OTOP3: variants seen among roughly 807,000 people sequenced by gnomAD.
OTOP3 encodes otopetrin 3.
OTOP3 carries 41 observed loss-of-function variants against 50.8 expected under a neutral mutation model. That is an observed-to-expected ratio of 0.81 (90% confidence interval 0.63 to 1.05). OTOP3 has a LOEUF of 1.05. Ranked by LOEUF, OTOP3 falls within the 50% of genes least tolerant of loss-of-function variation. OTOP3 has a pLI of 0.00. For missense variants in OTOP3, 788 were observed against 760.8 expected (o/e 1.04, Z -0.42); for synonymous variants, 320 against 324.4 (o/e 0.99, Z 0.14).
rs556395768 is a variant in OTOP3, at chr17:74,945,200, C to T, written c.752-1461C>T. Among the ~76,000 whole-genome samples the T allele has an allele frequency of 1.9e-4, 29 of 152,336 alleles. No homozygotes were observed. In the South Asian group the frequency reaches 6.0e-3, roughly 32 times the overall value. ...CAAACTACTGGGTTCAAGTGATCCTCCCTCCTCAGCTTCCCAAAGTGCTGG... is the reference window on the plus strand; with the variant it reads ...CAAACTACTGGGTTCAAGTGATCCTTCCTCCTCAGCTTCCCAAAGTGCTGG... On this transcript the variant is annotated intron_variant, in intron 5 of 6. Transcript: ENST00000328801.
intron 1 of OTOP3, among the ~76,000 whole-genome samples, chr17:74,938,676 T>A (rs72631373): frequency 0.14 from 21,824 of 152,100 alleles, 2,334 homozygotes; most frequent in East Asian, 0.37. Flanking sequence ...GCAGAGAACC[T>A]GGAACCTTGT....
At position 74,941,826 on chromosome 17, in the gene OTOP3, T is replaced by C. The variant is rs1454508186; in HGVS notation, c.436+17T>C. On this transcript the variant is annotated intron_variant, in intron 2 of 6. Coordinates refer to ENST00000328801, the MANE Select transcript of OTOP3 (RefSeq NM_001272005.2). ...GGGTGCGGGGTGAGTGTCAGGTTGCTGGGGGGCTGGGCAGGGGTGGGGAGG... is the reference window on the plus strand; with the variant it reads ...GGGTGCGGGGTGAGTGTCAGGTTGCCGGGGGGCTGGGCAGGGGTGGGGAGG... 1 of 1,212,582 alleles carries C rather than the reference T, an allele frequency of 8.2e-7. No homozygotes were observed. The highest frequency in any genetic ancestry group is 1.2e-6 in the Non-Finnish European group (1 of 860,414). The allele number at this position is 1,212,582 out of a possible 1,614,324, so 75.1% of individuals were successfully genotyped here.
chr17:74,944,577 C>T (rs545436688), intron 5 of OTOP3, among the ~76,000 whole-genome samples: 8 of 152,218 alleles, frequency 5.3e-5, no homozygotes, highest in Admixed American at 1.3e-4. Context: ...GCGAACATGG[C>T]GAAACCCCGT....
Position 74,949,549 on chromosome 17 carries a change from C to A in OTOP3, c.*133C>A. The A allele has an allele frequency of 9.5e-7, 1 of 1,057,152 alleles. No individual in the cohort carries two copies. Among genetic ancestry groups the A allele is most frequent in the Non-Finnish European group, 1.3e-6 (1 of 749,134 alleles). The allele number at this position is 1,057,152 out of a possible 1,614,324, so 65.5% of individuals were successfully genotyped here. On this transcript the variant is annotated 3_prime_UTR_variant, in exon 7 of 7. Coordinates refer to ENST00000328801, the MANE Select transcript of OTOP3 (RefSeq NM_001272005.2). ...CTCAAGGCCTCCTGCTCCCCAGAGC[C>A]TCACTGAAGGGGAGGGCACTGCCTA...
chr17:74,937,600 G>A (rs938963087), intron 1 of OTOP3, among the ~76,000 whole-genome samples: 2 of 152,100 alleles, frequency 1.3e-5, no homozygotes, highest in South Asian at 4.1e-4. Context: ...AAAGATCATC[G>A]GGAGTCTCCT....
chr17:74,937,761 C>CCGGT (rs1395655292), intron 1 of OTOP3, among the ~76,000 whole-genome samples: 1 of 152,108 alleles, frequency 6.6e-6, no homozygotes, highest in Non-Finnish European at 1.5e-5. Flanking sequence ...TAAGCAGGAC[C>CCGGT]CGGTCTCTGT....
intron 4 of OTOP3, 116 bp from the exon 5 acceptor site, chr17:74,943,490 A>G (rs2039196709): frequency 2.3e-6 from 3 of 1,313,642 alleles, no homozygotes; most frequent in Non-Finnish European, 3.3e-6. Flanking sequence ...TGCCAGTGTG[A>G]CACTAGGGAG....
chr17:74,941,294 C>A, intron 1 of OTOP3, 99 bp from the exon 2 acceptor site: 1 of 1,300,546 alleles, frequency 7.7e-7, no homozygotes, highest in Non-Finnish European at 1.0e-6. Context: ...ACCAGAGAGG[C>A]CGCATAGCTG....
At position 74,946,936 on chromosome 17, in the gene OTOP3, G is replaced by C; in HGVS notation, c.1027G>C (p.Glu343Gln). 1.2e-6 allele frequency: 2 copies of C among 1,612,832 alleles called. No homozygotes were observed. The highest frequency in any genetic ancestry group is 1.7e-6 in the Non-Finnish European group (2 of 1,179,940). Residue 343 changes from glutamate (E) to glutamine (Q), a missense_variant, in exon 6 of 7, where the codon GAG (glutamate) becomes CAG (glutamine). Physicochemically the swap from Glu to Gln is conservative, Grantham distance 29. Coordinates refer to ENST00000328801, the MANE Select transcript of OTOP3 (RefSeq NM_001272005.2). ...GVCVFVLFQI[E>Q]ASGPAIACQY... is the part of the protein sequence containing the mutation. ...GTGCGTCTTTGTGCTCTTCCAAATC[G>C]AGGCCAGTGGCCCTGCCATTGCTTG... is the stretch of plus-strand genomic sequence containing the variant.
intron 1 of OTOP3, among the ~76,000 whole-genome samples, chr17:74,940,630 C>T (rs775160719): frequency 6.6e-6 from 1 of 152,126 alleles, no homozygotes; most frequent in Non-Finnish European, 1.5e-5. Flanking sequence ...GTGAACTGCA[C>T]ATGTGAGGGA....
At chr17:74,940,363 C>T (rs552341275) in intron 1 of OTOP3, among the ~76,000 whole-genome samples, 100 of 151,966 alleles carry the variant, frequency 6.6e-4, no homozygotes, top group African/African-American at 2.0e-3. Flanking sequence ...AAAACTAGAA[C>T]AGTAAAGCTA....
At position 74,941,376 on chromosome 17, in the gene OTOP3, C is replaced by T. The variant is rs1412408548; in HGVS notation, c.20-17C>T. 1 of 1,470,088 alleles carries T rather than the reference C, an allele frequency of 6.8e-7. No individual in the cohort carries two copies. The highest frequency in any genetic ancestry group is 1.4e-5 in the South Asian group (1 of 69,892). The allele number at this position is 1,470,088 out of a possible 1,614,324, so 91.1% of individuals were successfully genotyped here. A position where few individuals can be genotyped will look rare whatever the true frequency, so the allele number is the denominator to read the frequency against. Reference sequence around the variant, plus strand: ...GACAGCCTGGCAGTTAACCCAGGACCCTTTCTCCATCTCCAGCCCCTGCTG... The same window carrying T: ...GACAGCCTGGCAGTTAACCCAGGACTCTTTCTCCATCTCCAGCCCCTGCTG... On this transcript the variant is annotated splice_polypyrimidine_tract_variant and intron_variant, in intron 1 of 6. Coordinates refer to ENST00000328801, the MANE Select transcript of OTOP3 (RefSeq NM_001272005.2).
At chr17:74,938,769 A>G (rs2144778240) in intron 1 of OTOP3, among the ~76,000 whole-genome samples, 1 of 152,256 alleles carries the variant, frequency 6.6e-6, no homozygotes, top group African/African-American at 2.4e-5. Context: ...ACTGAGGGCA[A>G]TTAGTTGCCT....
In OTOP3 at chr17:74,943,607, T is replaced by C; in HGVS notation, c.634T>C (p.Cys212Arg). 1 of 1,613,548 alleles carries C rather than the reference T, an allele frequency of 6.2e-7. No homozygotes were observed. Among genetic ancestry groups the C allele is most frequent in the Non-Finnish European group, 8.5e-7 (1 of 1,179,796 alleles). The change falls in exon 5 of 7, where the codon TGT (cysteine) becomes CGT (arginine). Residue 212 changes from cysteine to arginine, a missense_variant and splice_region_variant. Cys to Arg is a radical substitution (Grantham distance 180). Coordinates refer to ENST00000328801, the MANE Select transcript of OTOP3 (RefSeq NM_001272005.2). Reference sequence around the variant, plus strand: ...AGAAGAGTGTGGCATTTCCCCCAGGTGTGGCCTGATGCTGACCCTGGCCAC... The same window carrying C: ...AGAAGAGTGTGGCATTTCCCCCAGGCGTGGCCTGATGCTGACCCTGGCCAC... ...CVRVQTNFTR[C>R]GLMLTLATNL...
intron 3 of OTOP3, among the ~76,000 whole-genome samples, chr17:74,942,932 G>A (rs34453248): frequency 0.069 from 10,538 of 152,170 alleles, 535 homozygotes; most frequent in African/African-American, 0.14. Flanking sequence ...GCGACAGAGC[G>A]AGACTCCAAA....
chr17:74,943,660 T>C lies in OTOP3; in HGVS notation c.687T>C (p.Val229=). ...ATNLLLWVLA[V]TNDSMHREIE... is the part of the protein sequence containing the mutation. ...ACCTGCTGCTGTGGGTTCTGGCCGTTACCAATGACTCCATGCACCGAGAGA... is the reference window on the plus strand; with the variant it reads ...ACCTGCTGCTGTGGGTTCTGGCCGTCACCAATGACTCCATGCACCGAGAGA... The change falls in exon 5 of 7, where the codon GTT becomes GTC. Residue 229 remains valine (V), a synonymous_variant. Coordinates refer to ENST00000328801, the MANE Select transcript of OTOP3 (RefSeq NM_001272005.2). 6.2e-7 allele frequency: 1 copy of C among 1,613,198 alleles called. No homozygotes were observed. Among genetic ancestry groups the C allele is most frequent in the South Asian group, 1.1e-5 (1 of 91,046 alleles).
intron 6 of OTOP3, among the ~76,000 whole-genome samples, chr17:74,948,519 G>A (rs1361890817): frequency 3.9e-5 from 6 of 152,164 alleles, no homozygotes; most frequent in Non-Finnish European, 7.3e-5. Flanking sequence ...AATTAGCCAG[G>A]CATGGTGGTG....
intron 5 of OTOP3, 68 bp downstream of exon 5, chr17:74,943,792 A>G (rs1325219017): frequency 2.4e-6 from 3 of 1,268,438 alleles, no homozygotes; most frequent in Middle Eastern, 1.9e-4. Context: ...ACACACACAC[A>G]CATAAACGCT....
Position 74,943,354 on chromosome 17 carries a change from C to G in OTOP3, c.632+10C>G. ...AGACCAACTTCACTAGGTAAGACTT[C>G]TCTCCCTCCCAAACCCTCTGGCCTC... is the stretch of plus-strand genomic sequence containing the variant. On this transcript the variant is annotated intron_variant, in intron 4 of 6. Coordinates refer to ENST00000328801, the MANE Select transcript of OTOP3 (RefSeq NM_001272005.2). 1 of 1,612,476 alleles carries G rather than the reference C, an allele frequency of 6.2e-7. No individual in the cohort carries two copies. Among genetic ancestry groups the G allele is most frequent in the Non-Finnish European group, 8.5e-7 (1 of 1,178,456 alleles).
Sources: allele counts gnomAD v4.1 joint callset (sites outside exome capture counted in the v4.1 genomes callset), GRCh38; gene constraint gnomAD v4.1.1; transcripts MANE v1.5; gene names NCBI Gene and HGNC (gene_info 2026-07-23, HGNC 2026-07-21).